The following CFAP20DC variants were observed in gnomAD, a reference collection of about 807,000 sequenced individuals.
The protein encoded by CFAP20DC is protein CFAP20DC.
A neutral mutation model predicts 101.7 loss-of-function variants in CFAP20DC; 84 were observed. The ratio of observed to expected loss-of-function variants is 0.83; its 90% CI spans 0.69 to 0.99. CFAP20DC has a LOEUF of 0.99. Among genes scored for constraint, CFAP20DC ranks in the 50% least tolerant of loss-of-function variants. CFAP20DC has a pLI of 0.00. For synonymous variants in CFAP20DC, 359 were observed against 351.2 expected (o/e 1.02, Z -0.25); for missense variants, 1,007 against 970.3 (o/e 1.04, Z -0.50).
intron 14 of CFAP20DC, among the ~76,000 whole-genome samples, chr3:58,817,822 T>C (rs1287847289): frequency 4.6e-5 from 7 of 151,984 alleles, no homozygotes; most frequent in East Asian, 1.9e-4. Flanking sequence ...AAGAGCAACT[T>C]CAAGACACAT....
intron 6 of CFAP20DC, among the ~76,000 whole-genome samples, chr3:58,902,396 T>G (rs1485957394): frequency 6.6e-6 from 1 of 152,190 alleles, no homozygotes; most frequent in Non-Finnish European, 1.5e-5. Context: ...GGGTGAACGA[T>G]TTTATGTTCC....
intron 4 of CFAP20DC, among the ~76,000 whole-genome samples, chr3:59,024,427 A>G (rs1187786972): frequency 1.3e-5 from 2 of 152,180 alleles, no homozygotes; most frequent in Non-Finnish European, 2.9e-5. Context: ...CTCATGGTCT[A>G]TTTGGAGGTG....
intron 4 of CFAP20DC, among the ~76,000 whole-genome samples, chr3:58,955,688 G>A (rs1576473677): frequency 6.6e-6 from 1 of 152,150 alleles, no homozygotes; most frequent in African/African-American, 2.4e-5. Flanking sequence ...TGGTCTCAGA[G>A]GCAGTGAACT....
rs1407790782 is a variant in CFAP20DC, at chr3:59,046,215, A to G, written c.205+14T>C. 3.3e-6 allele frequency: 5 copies of G among 1,501,856 alleles called. No homozygotes were observed. The highest frequency in any genetic ancestry group is 4.5e-6 in the Non-Finnish European group (5 of 1,118,552). 93.0% of individuals were successfully genotyped at this position (1,501,856 alleles called of 1,614,324 possible). On this transcript the variant is annotated intron_variant, in intron 3 of 16. Transcript: ENST00000482387. ...TACAAAATGTTAAGTTTCAATATTA[A>G]AAATATTACTTACGGCTTTGCTTAT...
At chr3:58,760,767 G>T (rs903933352) in intron 15 of CFAP20DC, among the ~76,000 whole-genome samples, 3 of 152,118 alleles carry the variant, frequency 2.0e-5, no homozygotes, top group African/African-American at 7.2e-5. Context: ...TTTGTCAAAG[G>T]ACTTTTCTGC....
At chr3:58,856,792 A>C (rs2078871739) in intron 12 of CFAP20DC, among the ~76,000 whole-genome samples, 2 of 152,220 alleles carry the variant, frequency 1.3e-5, no homozygotes, top group Admixed American at 6.5e-5. Context: ...TATTGGTAGA[A>C]CTAGCATAGA....
At chr3:59,009,493 A>AG (rs35921089) in intron 4 of CFAP20DC, among the ~76,000 whole-genome samples, 44,240 of 152,072 alleles carry the variant, frequency 0.29, 7,835 homozygotes, top group East Asian at 0.56. Flanking sequence ...AACTTCTGGA[A>AG]TGAAAGACAC....
chr3:59,036,998 T>G (rs1240726144), intron 4 of CFAP20DC, among the ~76,000 whole-genome samples: 1 of 152,076 alleles, frequency 6.6e-6, no homozygotes, highest in Non-Finnish European at 1.5e-5. Context: ...ACCAGTTGAT[T>G]TTTGACAAAC....
At chr3:58,950,088 T>C (rs2089915577) in intron 4 of CFAP20DC, among the ~76,000 whole-genome samples, 1 of 152,186 alleles carries the variant, frequency 6.6e-6, no homozygotes, top group African/African-American at 2.4e-5. Flanking sequence ...GGATACAAAA[T>C]CAATGTGCAA....
intron 12 of CFAP20DC, chr3:58,862,077 T>G: frequency 2.1e-6 from 2 of 969,330 alleles, no homozygotes; most frequent in East Asian, 2.3e-4. Context: ...ATGGAAGAGG[T>G]AAGTTCTTCA....
rs148585594 is a variant in CFAP20DC, at chr3:58,892,841, G to A, written c.551-8132C>T. On this transcript the variant is annotated intron_variant, in intron 6 of 16. Transcript: ENST00000482387. The surrounding 1 kb of genome is among the most constrained non-coding windows in gnomAD (Gnocchi z 4.0). Reference sequence around the variant, plus strand: ...CTTTATTTTTTTCTCTTGCCTGATTGTCCTCGCCAGAACTTCCAATACTAT... The same window carrying A: ...CTTTATTTTTTTCTCTTGCCTGATTATCCTCGCCAGAACTTCCAATACTAT... Among the ~76,000 whole-genome samples, 17 of 152,096 alleles carry A rather than the reference G, an allele frequency of 1.1e-4. No homozygotes were observed. Among genetic ancestry groups the A allele is most frequent in the Middle Eastern group, 3.4e-3 (1 of 294 alleles).
At chr3:58,744,525 A>G (rs528910553) in intron 16 of CFAP20DC, among the ~76,000 whole-genome samples, 1 of 152,302 alleles carries the variant, frequency 6.6e-6, no homozygotes, top group Non-Finnish European at 1.5e-5. Context: ...CTGATTTCTC[A>G]TAGTTCAAAA....
In CFAP20DC at chr3:58,721,047, G is replaced by T. The variant is rs188373061; in HGVS notation, c.198-3419C>A. 6.6e-6 allele frequency among the ~76,000 whole-genome samples: 1 copy of T among 152,084 alleles called. No individual in the cohort carries two copies. Among genetic ancestry groups the T allele is most frequent in the Non-Finnish European group, 1.5e-5 (1 of 68,004 alleles). On this transcript the variant is annotated intron_variant, in intron 3 of 3. Coordinates refer to the CFAP20DC transcript ENST00000486145. The surrounding 1 kb of genome is among the most constrained non-coding windows in gnomAD (Gnocchi z 5.2). Reference sequence around the variant, plus strand: ...CTCCTCAGACTCCAAGGCTAGGTTAGGTTCCTCATTTTTCTCTCCCAGAGC... The same window carrying T: ...CTCCTCAGACTCCAAGGCTAGGTTATGTTCCTCATTTTTCTCTCCCAGAGC...
In CFAP20DC at chr3:59,001,038, TA is replaced by T. The variant is rs200552144; in HGVS notation, c.278+38518del. Among the ~76,000 whole-genome samples, 1,289 of 151,618 alleles carry T rather than the reference TA, an allele frequency of 8.5e-3. 18 individuals are homozygous for T. Among genetic ancestry groups the T allele is most frequent in the African/African-American group, 0.027 (1,131 of 41,328 alleles). On this transcript the variant is annotated intron_variant, in intron 4 of 16. Transcript: ENST00000482387. The surrounding 1 kb of genome is among the most constrained non-coding windows in gnomAD (Gnocchi z 4.5). The stretch of plus-strand genomic sequence containing the variant: ...ATTAACTTATTAATTCCAAGAAGCT[TA>T]AAAAAAATTAAATGTTACTAAAATA...
At chr3:58,731,428 CA>C (rs1363025993) in intron 3 of CFAP20DC, among the ~76,000 whole-genome samples, 1 of 152,134 alleles carries the variant, frequency 6.6e-6, no homozygotes, top group Non-Finnish European at 1.5e-5. Flanking sequence ...CATTTCAGAA[CA>C]AGTGGAGGGC....
intron 4 of CFAP20DC, among the ~76,000 whole-genome samples, chr3:58,994,437 A>T (rs1053654660): frequency 6.6e-6 from 1 of 152,062 alleles, no homozygotes; most frequent in Non-Finnish European, 1.5e-5. Context: ...ATATGCCATT[A>T]TCCTCATTTT....
chr3:58,938,131 C>T (rs2087967570), intron 4 of CFAP20DC, among the ~76,000 whole-genome samples: 2 of 152,122 alleles, frequency 1.3e-5, no homozygotes, highest in African/African-American at 4.8e-5. Flanking sequence ...ATACTGTCAC[C>T]TACTAAATAG....
chr3:58,901,740 T>C (rs2083164351), intron 6 of CFAP20DC, among the ~76,000 whole-genome samples: 1 of 152,196 alleles, frequency 6.6e-6, no homozygotes, highest in Non-Finnish European at 1.5e-5. Flanking sequence ...TAGAGCTTTT[T>C]TAAAAAAATG....
chr3:58,952,195 T>C (rs1213351430), intron 4 of CFAP20DC, among the ~76,000 whole-genome samples: 8 of 152,204 alleles, frequency 5.3e-5, no homozygotes, highest in African/African-American at 7.2e-5. Context: ...GTTATTACAG[T>C]AGTCCCCCTC....
Sources: gnomAD v4.1 joint callset for allele counts (sites outside exome capture counted in the v4.1 genomes callset) on GRCh38, gnomAD v4.1.1 for gene constraint, Gnocchi (gnomAD v3.1) non-coding constraint, MANE v1.5 for transcripts, NCBI Gene and HGNC (gene_info 2026-07-23, HGNC 2026-07-21) for gene names.